Variants in PSD4 observed in about 807,000 individuals in gnomAD.
The protein encoded by PSD4 is pleckstrin and Sec7 domain containing 4.
Under a neutral mutation model 112.5 loss-of-function variants are expected in PSD4, and 59 were observed. The observed-to-expected ratio is 0.52, with a 90% CI of 0.43 to 0.65. The LOEUF (loss-of-function observed/expected upper bound fraction) is 0.65, where lower values mean the gene tolerates loss of function less well. Among genes scored for constraint, PSD4 ranks in the 30% least tolerant of loss-of-function variants. The probability of loss-of-function intolerance (pLI) is 0.00; values close to 1 mark genes in which losing one functional copy is unlikely to be tolerated. For synonymous variants in PSD4, 533 were observed against 540.0 expected (o/e 0.99, Z 0.18); for missense variants, 1,267 against 1,352.6 (o/e 0.94, Z 0.99).
Position 113,198,725 on chromosome 2 carries a change from C to T in PSD4, c.2625-15C>T. 6.6e-7 allele frequency: 1 copy of T among 1,525,060 alleles called. No homozygotes were observed. The highest frequency in any genetic ancestry group is 8.8e-7 in the Non-Finnish European group (1 of 1,136,628). 94.5% of individuals were successfully genotyped at this position (1,525,060 alleles called of 1,614,324 possible). On this transcript the variant is annotated splice_polypyrimidine_tract_variant and intron_variant, in intron 14 of 16. Transcript: ENST00000245796. ...ACTCTGTGTCCCCGGGGACCAACGA[C>T]CTCCTTTGCCCCAGCACTGCCAAGG...
At chr2:113,196,576 G>C (rs143074551) in intron 12 of PSD4, 2 of 378,470 alleles carry the variant, frequency 5.3e-6, no homozygotes, top group African/African-American at 4.0e-5. Context: ...TTAGACAAGT[G>C]TGTCAATGTC....
intron 11 of PSD4, 69 bp downstream of exon 11, chr2:113,195,839 T>TCACC (rs1254203234): frequency 2.5e-6 from 4 of 1,587,828 alleles, no homozygotes; most frequent in Admixed American, 3.4e-5. Context: ...CCTCCCTCTG[T>TCACC]CACCCACCCG....
chr2:113,199,072 G>C lies in PSD4; in HGVS notation c.2770-11G>C. ...CCCGGGACAGCGCCCCTCACCGCCC[G>C]CTGCTCGCAGGAGGAGCAGCATCGA... On this transcript the variant is annotated splice_polypyrimidine_tract_variant and intron_variant, in intron 15 of 16. Transcript: ENST00000245796. 6.6e-7 allele frequency: 1 copy of C among 1,522,496 alleles called. No individual in the cohort carries two copies. Among genetic ancestry groups the C allele is most frequent in the Non-Finnish European group, 8.8e-7 (1 of 1,137,390 alleles). 94.3% of individuals were successfully genotyped at this position (1,522,496 alleles called of 1,614,324 possible).
rs146392863 is a variant in PSD4 at position 113,186,155 on chromosome 2, G to A, written c.1528G>A (p.Glu510Lys). The change falls in exon 5 of 17, where the codon GAG becomes AAG. Residue 510 changes from glutamate (E) to lysine (K), a missense_variant. Coordinates refer to ENST00000245796, the MANE Select transcript of PSD4 (RefSeq NM_012455.3). Reference protein sequence around the residue: ...PSSLKKKEAGEAPKPGEEVKS... With the variant: ...PSSLKKKEAGKAPKPGEEVKS... ...TTCCTTGAAGAAAAAGGAGGCAGGGGAGGCCCCAAAACCAGGCGAGGAAGT... is the reference window on the plus strand; with the variant it reads ...TTCCTTGAAGAAAAAGGAGGCAGGGAAGGCCCCAAAACCAGGCGAGGAAGT... 44 of 1,614,066 alleles carry A rather than the reference G, an allele frequency of 2.7e-5. No individual in the cohort carries two copies. In the East Asian group the frequency reaches 3.8e-4, roughly 14 times the overall value.
chr2:113,186,754 C>T (rs1009740090), intron 5 of PSD4, among the ~76,000 whole-genome samples: 2 of 152,032 alleles, frequency 1.3e-5, no homozygotes, highest in African/African-American at 4.8e-5. Context: ...TTGATGGGGA[C>T]CAAGGGAATG....
chr2:113,197,406 T>A (rs1688641479), intron 12 of PSD4, 158 bp from the exon 13 acceptor site: 3 of 750,180 alleles, frequency 4.0e-6, no homozygotes, highest in Non-Finnish European at 7.0e-6. Flanking sequence ...CGATTGTATG[T>A]GTTTTCTTGT....
At chr2:113,191,776 G>T (rs1015098657) in intron 5 of PSD4, among the ~76,000 whole-genome samples, 1 of 152,126 alleles carries the variant, frequency 6.6e-6, no homozygotes, top group Non-Finnish European at 1.5e-5. Context: ...TCGGCTGGGG[G>T]TCACCCAGGC....
At chr2:113,179,786 A>G (rs1322825509) in intron 1 of PSD4, among the ~76,000 whole-genome samples, 4 of 152,192 alleles carry the variant, frequency 2.6e-5, no homozygotes, top group Admixed American at 2.0e-4. Flanking sequence ...TAAACATAAG[A>G]AAGGGCCTCT....
Position 113,204,971 on chromosome 2 carries a change from C to CTT in PSD4, c.*3569_*3570dup, listed in dbSNP as rs1296386317. The CTT allele has an allele frequency of 4.8e-5, 7 of 144,478 alleles. No individual in the cohort carries two copies. The highest frequency in any genetic ancestry group is 9.2e-5 in the Non-Finnish European group (6 of 65,518). The allele number at this position is 144,478 out of a possible 1,614,324, so 8.9% of individuals were successfully genotyped here. On this transcript the variant is annotated 3_prime_UTR_variant, in exon 17 of 17. Transcript: ENST00000245796. The stretch of plus-strand genomic sequence containing the variant: ...GGCTTTTTGTGAATGTGCAGTGCAA[C>CTT]TTTTTTTTTTTTTTGAGACAGAGTC...
chr2:113,183,640 T>C (rs1688214540), intron 2 of PSD4, 128 bp downstream of exon 2: 1 of 865,552 alleles, frequency 1.2e-6, no homozygotes, highest in African/African-American at 1.7e-5. Context: ...CCTGCATCAG[T>C]ATATAGCAGG....
chr2:113,182,810 C>G lies in PSD4; in HGVS notation c.354C>G (p.Ser118Arg). Residue 118 changes from serine (S) to arginine (R), a missense_variant, in exon 2 of 17, where the codon AGC (serine) becomes AGG (arginine). Around this residue, in one of 2 missense-constraint regions of PSD4, gnomAD observed 723 missense variants for 704.0 expected, o/e 1.03. Coordinates refer to ENST00000245796, the MANE Select transcript of PSD4 (RefSeq NM_012455.3). ...GTGTGGAGCTCACACACCTGGGGAG[C>G]CCCTCTGCCCAGAGGGAGCACAGGC... ...GSGVELTHLG[S>R]PSAQREHRQN... 6.2e-7 allele frequency: 1 copy of G among 1,606,988 alleles called. No individual in the cohort carries two copies. Among genetic ancestry groups the G allele is most frequent in the Non-Finnish European group, 8.5e-7 (1 of 1,175,480 alleles).
Position 113,197,912 on chromosome 2 carries a change from C to G in PSD4, c.2623C>G (p.Pro875Ala). ...ADWRLYLFQA[P>A]TAKEMSSWIA... ...CTGGCGCCTCTACCTCTTCCAGGCA[C>G]CGTAAGTCCCTGGGGTGGGAGACTG... Residue 875 changes from proline (P) to alanine (A), a missense_variant and splice_region_variant, in exon 14 of 17, where the codon CCC becomes GCC. Pro to Ala is a conservative substitution (Grantham distance 27). Transcript: ENST00000245796. The G allele has an allele frequency of 6.4e-7, 1 of 1,573,730 alleles. No homozygotes were observed. The highest frequency in any genetic ancestry group is 8.7e-7 in the Non-Finnish European group (1 of 1,154,358).
intron 6 of PSD4, 139 bp downstream of exon 6, chr2:113,192,728 C>T (rs1286468899): frequency 1.1e-6 from 1 of 876,218 alleles, no homozygotes; most frequent in Admixed American, 2.7e-5. Context: ...ACTTTTCCCC[C>T]ATACCCTCAC....
intron 1 of PSD4, among the ~76,000 whole-genome samples, chr2:113,180,808 G>A (rs531097887): frequency 6.6e-6 from 1 of 152,300 alleles, no homozygotes; most frequent in Non-Finnish European, 1.5e-5. Context: ...CTGGGAGCAT[G>A]TGTGTGTTTG....
In PSD4 at chr2:113,200,597, G is replaced by A. The variant is rs114168020; in HGVS notation, c.2914-561G>A. Among the ~76,000 whole-genome samples, 486 of 152,250 alleles carry A rather than the reference G, an allele frequency of 3.2e-3. 7 individuals are homozygous for A. Among genetic ancestry groups the A allele is most frequent in the Non-Finnish European group, 5.2e-3 (353 of 68,018 alleles). ...TAACAAGTCACCAGCCCTCCCTTCC[G>A]CAATGATTTGTCCCCTCCCAGGGCT... On this transcript the variant is annotated intron_variant, in intron 16 of 16. Transcript: ENST00000245796.
intron 1 of PSD4, among the ~76,000 whole-genome samples, chr2:113,180,628 T>G (rs1302942139): frequency 1.3e-5 from 2 of 148,682 alleles, no homozygotes; most frequent in Non-Finnish European, 3.0e-5. Flanking sequence ...TGTGAGTCAT[T>G]AAGCCAGACT....
intron 16 of PSD4, among the ~76,000 whole-genome samples, chr2:113,199,746 C>T (rs1205483016): frequency 6.6e-6 from 1 of 152,236 alleles, no homozygotes. Context: ...AATTAAACTA[C>T]TCTTCCAAAT....
In PSD4 at chr2:113,206,944, G is replaced by C. The variant is rs1007493542; in HGVS notation, c.*5529G>C. ...GCTGAATAATCTGTATCCAGGTCAGGTGAGGCTTCATCTCGGGCTTCACTC... is the reference window on the plus strand; with the variant it reads ...GCTGAATAATCTGTATCCAGGTCAGCTGAGGCTTCATCTCGGGCTTCACTC... On this transcript the variant is annotated 3_prime_UTR_variant, in exon 17 of 17. Transcript: ENST00000245796. 1 of 152,284 alleles carries C rather than the reference G, an allele frequency of 6.6e-6. No individual in the cohort carries two copies. Among genetic ancestry groups the C allele is most frequent in the South Asian group, 2.1e-4 (1 of 4,822 alleles). The allele number at this position is 152,284 out of a possible 1,614,324, so 9.4% of individuals were successfully genotyped here.
intron 1 of PSD4, among the ~76,000 whole-genome samples, chr2:113,176,274 G>A (rs1319588944): frequency 3.9e-5 from 6 of 152,158 alleles, no homozygotes; most frequent in Non-Finnish European, 8.8e-5. Flanking sequence ...TGCCCCCTTG[G>A]GTCAAAAAGA....
Sources: allele counts gnomAD v4.1 joint callset (sites outside exome capture counted in the v4.1 genomes callset), GRCh38; gene constraint gnomAD v4.1.1; regional missense constraint gnomAD v4.1.1; transcripts MANE v1.5; gene names NCBI Gene and HGNC (gene_info 2026-07-23, HGNC 2026-07-21).